RNLS: variants seen among roughly 807,000 people sequenced by gnomAD.
RNLS encodes the protein renalase, FAD dependent amine oxidase.
A neutral mutation model predicts 39.8 loss-of-function variants in RNLS; 39 were observed. The ratio of observed to expected loss-of-function variants is 0.98; its 90% CI spans 0.76 to 1.28. The LOEUF (loss-of-function observed/expected upper bound fraction) is 1.28. Among genes scored for constraint, RNLS ranks in the 50% most tolerant of loss-of-function variants. The probability of loss-of-function intolerance (pLI) is 0.00; values close to 1 mark genes in which losing one functional copy is unlikely to be tolerated. For synonymous variants in RNLS, 147 were observed against 150.7 expected (o/e 0.98, Z 0.18); for missense variants, 410 against 413.3 (o/e 0.99, Z 0.07).
At chr10:88,396,877 C>G (rs1767077484) in intron 4 of RNLS, among the ~76,000 whole-genome samples, 1 of 151,740 alleles carries the variant, frequency 6.6e-6, no homozygotes, top group Non-Finnish European at 1.5e-5. Flanking sequence ...AAATCCCTTA[C>G]TAGAGACAAG....
intron 4 of RNLS, among the ~76,000 whole-genome samples, chr10:88,514,127 A>C (rs564868102): frequency 1.3e-5 from 2 of 152,212 alleles, no homozygotes; most frequent in South Asian, 4.2e-4. Flanking sequence ...TTTATAAAAA[A>C]AAAAAAAAAG....
chr10:88,377,149 A>G (rs1802055217), intron 4 of RNLS, among the ~76,000 whole-genome samples: 1 of 152,066 alleles, frequency 6.6e-6, no homozygotes, highest in African/African-American at 2.4e-5. Context: ...ATTCTTTGAA[A>G]AGCTCAAATA....
intron 4 of RNLS, among the ~76,000 whole-genome samples, chr10:88,439,977 T>A (rs1438265003): frequency 6.6e-6 from 1 of 152,212 alleles, no homozygotes; most frequent in Non-Finnish European, 1.5e-5. Flanking sequence ...GGCACATTGA[T>A]TCCTTCATGA....
chr10:88,315,704 C>T (rs1244075699), intron 5 of RNLS, among the ~76,000 whole-genome samples: 2 of 148,972 alleles, frequency 1.3e-5, no homozygotes, highest in Non-Finnish European at 3.0e-5. Context: ...GCCACTTACT[C>T]ACTATGTGCC....
intron 4 of RNLS, among the ~76,000 whole-genome samples, chr10:88,504,208 A>G (rs1315568745): frequency 6.6e-6 from 1 of 152,152 alleles, no homozygotes; most frequent in Non-Finnish European, 1.5e-5. Flanking sequence ...AAACTTTGGG[A>G]ACAACCTAAA....
At position 88,572,973 on chromosome 10, in the gene RNLS, C is replaced by T. The variant is rs935698490; in HGVS notation, c.456G>A (p.Glu152=). 6.2e-7 allele frequency: 1 copy of T among 1,614,016 alleles called. No homozygotes were observed. Among genetic ancestry groups the T allele is most frequent in the Non-Finnish European group, 8.5e-7 (1 of 1,179,914 alleles). The change falls in exon 4 of 7, where the codon GAG becomes GAA. Residue 152 remains glutamate, a synonymous_variant. Coordinates refer to ENST00000331772, the MANE Select transcript of RNLS (RefSeq NM_001031709.3). ...TTGTGAGAACAATAAGATCAAACTG[C>T]TCAGGGGAGCCTGTTTGTTTGGATA... ...WEVSKQTGSP[E]QFDLIVLTMP...
chr10:88,350,470 G>C (rs567696926), intron 5 of RNLS, among the ~76,000 whole-genome samples: 12 of 152,246 alleles, frequency 7.9e-5, no homozygotes, highest in Admixed American at 7.8e-4. Context: ...CTATGAGTGA[G>C]AACATGCGGT....
chr10:88,441,758 A>G (rs1475114805), intron 4 of RNLS, among the ~76,000 whole-genome samples: 1 of 152,176 alleles, frequency 6.6e-6, no homozygotes, highest in Non-Finnish European at 1.5e-5. Flanking sequence ...AACATCTAAG[A>G]TGGGCCGGAG....
At chr10:88,500,080 T>C (rs1362934067) in intron 4 of RNLS, among the ~76,000 whole-genome samples, 1 of 152,168 alleles carries the variant, frequency 6.6e-6, no homozygotes. Context: ...GCTCTGCCTC[T>C]AGTTAGTACA....
chr10:88,528,536 C>T (rs1847239585), intron 4 of RNLS, among the ~76,000 whole-genome samples: 1 of 151,962 alleles, frequency 6.6e-6, no homozygotes, highest in Admixed American at 6.6e-5. Flanking sequence ...ATAAACTAGT[C>T]CTGAGAGTAG....
Position 88,335,019 on chromosome 10 carries a change from CAA to C in RNLS, c.701-20380_701-20379del, listed in dbSNP as rs768882256. Among the ~76,000 whole-genome samples the C allele has an allele frequency of 6.6e-5, 10 of 152,182 alleles. No individual in the cohort carries two copies. In the South Asian group the frequency reaches 8.3e-4, roughly 13 times the overall value. ...TTTCAACAACTTACATTAAAATAAG[CAA>C]AGTCTTTCCAGTCATCTTCAAATTC... On this transcript the variant is annotated intron_variant, in intron 5 of 6. Coordinates refer to ENST00000331772, the MANE Select transcript of RNLS (RefSeq NM_001031709.3).
intron 6 of RNLS, among the ~76,000 whole-genome samples, chr10:88,296,360 G>A (rs1216333762): frequency 2.6e-5 from 4 of 152,044 alleles, no homozygotes; most frequent in Non-Finnish European, 5.9e-5. Context: ...TTGACAGCTG[G>A]TTAATTTCCT....
chr10:88,449,984 C>T (rs978846634), intron 4 of RNLS, among the ~76,000 whole-genome samples: 2 of 150,808 alleles, frequency 1.3e-5, no homozygotes, highest in Non-Finnish European at 2.9e-5. Flanking sequence ...ACAGAGTTAA[C>T]AGTTTTGAAA....
chr10:88,266,148 T>A, the RNLS span, among the ~76,000 whole-genome samples: 1 of 152,156 alleles, frequency 6.6e-6, no homozygotes, highest in African/African-American at 2.4e-5. Flanking sequence ...GGCTGGCTAG[T>A]CACGTGATGC....
intron 6 of RNLS, among the ~76,000 whole-genome samples, chr10:88,309,117 A>G (rs1845155787): frequency 6.6e-6 from 1 of 152,106 alleles, no homozygotes; most frequent in African/African-American, 2.4e-5. Context: ...CCAAGGGCCT[A>G]TCAGAGGGTG....
intron 4 of RNLS, among the ~76,000 whole-genome samples, chr10:88,538,723 C>T (rs997076351): frequency 1.3e-5 from 2 of 151,998 alleles, no homozygotes; most frequent in Non-Finnish European, 2.9e-5. Context: ...TGGTTTTAGA[C>T]CTTATTCTAC....
intron 4 of RNLS, among the ~76,000 whole-genome samples, chr10:88,446,023 A>C (rs1354064230): frequency 6.6e-6 from 1 of 152,202 alleles, no homozygotes; most frequent in Non-Finnish European, 1.5e-5. Context: ...TCTTCTCAGC[A>C]CCACATCGCA....
At chr10:88,402,704 T>A (rs78812338) in intron 4 of RNLS, among the ~76,000 whole-genome samples, 4,211 of 152,042 alleles carry the variant, frequency 0.028, 159 homozygotes, top group South Asian at 0.12. Flanking sequence ...TTCTATTTTA[T>A]AGAATGTTCT....
chr10:88,281,618 G>A (rs1253686182), downstream of RNLS, among the ~76,000 whole-genome samples: 2 of 152,102 alleles, frequency 1.3e-5, no homozygotes, highest in Admixed American at 6.6e-5. Context: ...TCATGTTTTA[G>A]TTTATTAGCA....
Sources: gnomAD v4.1 joint callset for allele counts (sites outside exome capture counted in the v4.1 genomes callset) on GRCh38, gnomAD v4.1.1 for gene constraint, MANE v1.5 for transcripts, NCBI Gene and HGNC (gene_info 2026-07-23, HGNC 2026-07-21) for gene names.